Variants in PTPN9 observed in about 807,000 individuals in gnomAD.
PTPN9 encodes tyrosine-protein phosphatase non-receptor type 9.
Under a neutral mutation model 69.8 loss-of-function variants are expected in PTPN9, and 26 were observed. The ratio of observed to expected loss-of-function variants is 0.37; its 90% CI spans 0.27 to 0.52. The LOEUF (loss-of-function observed/expected upper bound fraction) is 0.52. Ranked by LOEUF, PTPN9 falls within the 20% of genes least tolerant of loss-of-function variation. The pLI, the probability that PTPN9 is intolerant of heterozygous loss-of-function variation, is 0.91. For synonymous variants in PTPN9, 274 were observed against 272.5 expected (o/e 1.01, Z -0.05); for missense variants, 549 against 740.3 (o/e 0.74, Z 3.00).
intron 1 of PTPN9, among the ~76,000 whole-genome samples, chr15:75,554,680 G>A (rs769817315): frequency 2.1e-4 from 32 of 152,130 alleles, no homozygotes; most frequent in African/African-American, 6.3e-4. Flanking sequence ...AGGAACAAAC[G>A]TATATATTCT....
chr15:75,520,175 C>T (rs569954246), intron 4 of PTPN9, among the ~76,000 whole-genome samples: 2 of 152,154 alleles, frequency 1.3e-5, no homozygotes, highest in South Asian at 4.2e-4. Context: ...ATTGAATAGG[C>T]TATCCAGATC....
At chr15:75,470,022 CGTT>C (rs540466648) in intron 11 of PTPN9, 23 bp from the exon 12 acceptor site, 138 of 1,582,936 alleles carry the variant, frequency 8.7e-5, no homozygotes, top group Non-Finnish European at 1.2e-4. Flanking sequence ...AAGAAGTAAA[CGTT>C]AACAAGGTTA....
rs777579974 is a variant in PTPN9, at chr15:75,527,114, A to C, written c.207+4T>G. 6.2e-7 allele frequency: 1 copy of C among 1,614,024 alleles called. No homozygotes were observed. Among genetic ancestry groups the C allele is most frequent in the African/African-American group, 1.3e-5 (1 of 74,922 alleles). ...CAGGTCTGGTCTACCCCTGAGCCACATACTCTGTAGGAGTGGAACAATTCT... is the reference window on the plus strand; with the variant it reads ...CAGGTCTGGTCTACCCCTGAGCCACCTACTCTGTAGGAGTGGAACAATTCT... On this transcript the variant is annotated splice_donor_region_variant and intron_variant, in intron 2 of 12. Transcript: ENST00000618819.
intron 1 of PTPN9, among the ~76,000 whole-genome samples, chr15:75,539,766 G>A (rs113677300): frequency 0.18 from 27,916 of 151,552 alleles, 3,189 homozygotes; most frequent in Non-Finnish European, 0.26. Context: ...TGGCCTCCCA[G>A]GTTCAAGTGA....
intron 8 of PTPN9, chr15:75,487,308 G>A (rs1555453679): frequency 6.7e-6 from 1 of 148,590 alleles, no homozygotes; most frequent in Admixed American, 6.7e-5. Context: ...TTTGCTTTCG[G>A]CCCGCAAAGT....
Position 75,578,846 on chromosome 15 carries a change from G to C in PTPN9, c.-70C>G, listed in dbSNP as rs1283563594. On this transcript the variant is annotated 5_prime_UTR_variant, in exon 1 of 13. Transcript: ENST00000618819. ...CGGGAGCCCGGCGCGCTCGGCCTCC[G>C]CTTCCGCGTCCCCGCGCCTCAGCAG... is the stretch of plus-strand genomic sequence containing the variant. 2.7e-5 allele frequency: 29 copies of C among 1,065,788 alleles called. No homozygotes were observed. The highest frequency in any genetic ancestry group is 3.3e-5 in the Non-Finnish European group (28 of 849,800). The allele number at this position is 1,065,788 out of a possible 1,614,324, so 66.0% of individuals were successfully genotyped here. A position where few individuals can be genotyped will look rare whatever the true frequency, so the allele number is the denominator to read the frequency against.
At chr15:75,528,319 C>A (rs751137615) in intron 1 of PTPN9, among the ~76,000 whole-genome samples, 2 of 152,078 alleles carry the variant, frequency 1.3e-5, no homozygotes, top group Non-Finnish European at 2.9e-5. Flanking sequence ...TACATTATAA[C>A]CAATTTCCTT....
intron 7 of PTPN9, among the ~76,000 whole-genome samples, chr15:75,495,515 C>G (rs908856805): frequency 6.6e-6 from 1 of 152,118 alleles, no homozygotes; most frequent in South Asian, 2.1e-4. Context: ...GAGTTCGAAA[C>G]CAGCCTAGCC....
At chr15:75,558,664 G>T (rs913034258) in intron 1 of PTPN9, among the ~76,000 whole-genome samples, 5 of 152,198 alleles carry the variant, frequency 3.3e-5, no homozygotes, top group Non-Finnish European at 7.3e-5. Context: ...GAGTGCCTGC[G>T]ACTGCAGGCG....
At chr15:75,539,542 A>G (rs928007532) in intron 1 of PTPN9, among the ~76,000 whole-genome samples, 146 of 151,324 alleles carry the variant, frequency 9.6e-4, no homozygotes, top group African/African-American at 3.4e-3. Flanking sequence ...TCCTGACCTC[A>G]TGATCCGCCC....
intron 1 of PTPN9, among the ~76,000 whole-genome samples, chr15:75,566,965 C>T (rs116940507): frequency 0.01 from 1,523 of 151,872 alleles, 13 homozygotes; most frequent in Non-Finnish European, 0.015. Context: ...ATTCCAGCCT[C>T]GGCAACAGAA....
chr15:75,523,017 A>C, intron 4 of PTPN9, 104 bp downstream of exon 4: 1 of 1,341,698 alleles, frequency 7.5e-7, no homozygotes, highest in Non-Finnish European at 1.0e-6. Flanking sequence ...TGCCCAGGGC[A>C]CATCCTAGGA....
intron 6 of PTPN9, among the ~76,000 whole-genome samples, chr15:75,506,574 A>G (rs1412499587): frequency 6.6e-6 from 1 of 152,036 alleles, no homozygotes; most frequent in Non-Finnish European, 1.5e-5. Context: ...TAGTGGCGTG[A>G]TGAAGGCTCA....
intron 1 of PTPN9, among the ~76,000 whole-genome samples, chr15:75,545,238 C>T (rs973980917): frequency 1.3e-5 from 2 of 152,042 alleles, no homozygotes; most frequent in Non-Finnish European, 2.9e-5. Context: ...CACATTTGAA[C>T]ACTTGCCAAT....
At chr15:75,490,561 T>C (rs1282208140) in intron 7 of PTPN9, among the ~76,000 whole-genome samples, 1 of 152,110 alleles carries the variant, frequency 6.6e-6, no homozygotes, top group Admixed American at 6.5e-5. Context: ...TCCCAGCACT[T>C]TGGGAGGCAG....
chr15:75,484,230 T>C (rs1196366067), intron 8 of PTPN9, among the ~76,000 whole-genome samples: 1 of 152,212 alleles, frequency 6.6e-6, no homozygotes, highest in Non-Finnish European at 1.5e-5. Context: ...TAGAAACTGT[T>C]ATTTACAAGA....
At chr15:75,516,741 C>CTTT (rs34906409) in intron 5 of PTPN9, among the ~76,000 whole-genome samples, 55 of 87,922 alleles carry the variant, frequency 6.3e-4, no homozygotes, top group Non-Finnish European at 8.7e-4. Context: ...TGTTCCTGTG[C>CTTT]TTTTTTTTTT....
At chr15:75,483,884 A>G (rs2074658624) in intron 8 of PTPN9, among the ~76,000 whole-genome samples, 1 of 152,198 alleles carries the variant, frequency 6.6e-6, no homozygotes, top group Non-Finnish European at 1.5e-5. Context: ...TCTTGTAGTT[A>G]GGCACATCTG....
At chr15:75,538,175 T>C (rs2074993270) in intron 1 of PTPN9, among the ~76,000 whole-genome samples, 1 of 152,172 alleles carries the variant, frequency 6.6e-6, no homozygotes, top group Admixed American at 6.6e-5. Flanking sequence ...TCAGGAGATC[T>C]ATCAAAGCAA....
Sources: allele counts gnomAD v4.1 joint callset (sites outside exome capture counted in the v4.1 genomes callset), GRCh38; gene constraint gnomAD v4.1.1; transcripts MANE v1.5; gene names NCBI Gene and HGNC (gene_info 2026-07-23, HGNC 2026-07-21).